Variants in UNC13C observed in about 807,000 individuals in gnomAD.
UNC13C encodes the protein protein unc-13 homolog C.
Under a neutral mutation model 245.4 loss-of-function variants are expected in UNC13C, and 174 were observed. That is an observed-to-expected ratio of 0.71 (90% CI 0.63 to 0.80). The LOEUF (loss-of-function observed/expected upper bound fraction) is 0.80, where lower values mean the gene tolerates loss of function less well. Ranked by LOEUF, UNC13C falls within the 30% of genes least tolerant of loss-of-function variation. The probability of loss-of-function intolerance (pLI) is 0.00; values close to 1 mark genes in which losing one functional copy is unlikely to be tolerated. For synonymous variants in UNC13C, 992 were observed against 895.1 expected, an observed-to-expected ratio of 1.11 and a Z score of -1.93; for missense variants, 2,829 against 2,602.9, an observed-to-expected ratio of 1.09 and a Z score of -1.89.
intron 4 of UNC13C, among the ~76,000 whole-genome samples, chr15:54,173,576 C>A (rs2033497198): frequency 6.6e-6 from 1 of 152,012 alleles, no homozygotes; most frequent in African/African-American, 2.4e-5. Context: ...TTGTATTCTG[C>A]AACTTTGCCA....
At chr15:53,927,527 G>T in the UNC13C span, among the ~76,000 whole-genome samples, 2 of 152,200 alleles carry the variant, frequency 1.3e-5, no homozygotes, top group African/African-American at 2.4e-5. Context: ...GTCAGGGTGG[G>T]TGATAATTCC....
chr15:54,143,742 T>A, intron 4 of UNC13C, 58 bp downstream of exon 4: 1 of 1,342,622 alleles, frequency 7.4e-7, no homozygotes, highest in Admixed American at 1.8e-5. Flanking sequence ...TTGGCTGTGT[T>A]CTCAACATAT....
chr15:54,143,665 G>T lies in UNC13C; in HGVS notation c.3052G>T (p.Ala1018Ser). The T allele has an allele frequency of 6.2e-7, 1 of 1,613,270 alleles. No individual in the cohort carries two copies. The highest frequency in any genetic ancestry group is 8.5e-7 in the Non-Finnish European group (1 of 1,179,394). The change falls in exon 4 of 33, where the codon GCA becomes TCA. Residue 1018 changes from alanine (A) to serine (S), a missense_variant. Coordinates refer to ENST00000260323, the MANE Select transcript of UNC13C (RefSeq NM_001080534.3). ...TGATTTGGATGCTTCCAAATTTTCT[G>T]CACTCCAGGTGTGTGGTGGGTAAGT... ...GNDLDASKFS[A>S]LQVCGGAGGG... is the part of the protein sequence containing the mutation.
intron 2 of UNC13C, among the ~76,000 whole-genome samples, chr15:54,141,587 G>A (rs1197155465): frequency 6.6e-6 from 1 of 151,868 alleles, no homozygotes; most frequent in Non-Finnish European, 1.5e-5. Context: ...TGCTCCCTAT[G>A]AAAATTAAGA....
intron 2 of UNC13C, among the ~76,000 whole-genome samples, chr15:54,075,911 A>G (rs1468510062): frequency 6.6e-6 from 1 of 152,142 alleles, no homozygotes; most frequent in East Asian, 1.9e-4. Context: ...GCTCAACAGG[A>G]CTTTAGAGAT....
chr15:54,412,969 T>G (rs1278052838), intron 18 of UNC13C, among the ~76,000 whole-genome samples: 1 of 152,150 alleles, frequency 6.6e-6, no homozygotes, highest in Non-Finnish European at 1.5e-5. Flanking sequence ...TCAGAGGGAT[T>G]TTAAATCATG....
chr15:54,584,154 T>A (rs1360806783), intron 30 of UNC13C, among the ~76,000 whole-genome samples: 1 of 152,172 alleles, frequency 6.6e-6, no homozygotes, highest in African/African-American at 2.4e-5. Flanking sequence ...GATTGGCTGG[T>A]TTCTGGCCCC....
chr15:54,429,925 C>T (rs543052388), intron 19 of UNC13C, among the ~76,000 whole-genome samples: 1 of 151,650 alleles, frequency 6.6e-6, no homozygotes, highest in Non-Finnish European at 1.5e-5. Context: ...GGTATTTTAT[C>T]TTTTATACTT....
At chr15:54,219,876 C>A (rs2035167598) in intron 4 of UNC13C, among the ~76,000 whole-genome samples, 1 of 151,864 alleles carries the variant, frequency 6.6e-6, no homozygotes, top group Non-Finnish European at 1.5e-5. Flanking sequence ...CAGAGAAATG[C>A]AAATCAAAAC....
At chr15:54,332,166 C>A in intron 15 of UNC13C, 55 bp downstream of exon 15, 1 of 1,259,978 alleles carries the variant, frequency 7.9e-7, no homozygotes, top group Non-Finnish European at 1.1e-6. Flanking sequence ...TAGAGAATTT[C>A]TTGCCATATT....
chr15:54,061,160 G>T (rs1487418464), intron 2 of UNC13C, among the ~76,000 whole-genome samples: 4 of 149,046 alleles, frequency 2.7e-5, no homozygotes, highest in African/African-American at 7.4e-5. Context: ...AAATAAAAAA[G>T]ACAAAAAAAA....
intron 10 of UNC13C, among the ~76,000 whole-genome samples, chr15:54,266,074 G>A (rs2140892830): frequency 6.6e-6 from 1 of 152,004 alleles, no homozygotes; most frequent in African/African-American, 2.4e-5. Flanking sequence ...GTAAAAAAAT[G>A]AATTTCAGTT....
intron 2 of UNC13C, among the ~76,000 whole-genome samples, chr15:54,078,347 G>C (rs1898747945): frequency 6.6e-6 from 1 of 152,156 alleles, no homozygotes; most frequent in African/African-American, 2.4e-5. Context: ...CCTTTAGGTA[G>C]ATACCTAGCA....
chr15:53,913,203 G>A, the UNC13C span: 1 of 152,228 alleles, frequency 6.6e-6, no homozygotes. Flanking sequence ...CCTGGGATTG[G>A]GATGATGCAG....
At chr15:54,226,402 G>T (rs1256738765) in intron 4 of UNC13C, among the ~76,000 whole-genome samples, 1 of 152,170 alleles carries the variant, frequency 6.6e-6, no homozygotes, top group East Asian at 1.9e-4. Flanking sequence ...TGTACCTCTG[G>T]TAGAATTCAG....
the UNC13C span, among the ~76,000 whole-genome samples, chr15:53,942,725 G>A: frequency 1.3e-5 from 2 of 152,080 alleles, no homozygotes; most frequent in East Asian, 1.9e-4. Context: ...GTGCAGTGGC[G>A]AGATCTTGGC....
intron 2 of UNC13C, among the ~76,000 whole-genome samples, chr15:54,077,027 C>T (rs1266522606): frequency 6.6e-6 from 1 of 152,072 alleles, no homozygotes; most frequent in Non-Finnish European, 1.5e-5. Context: ...AGTAGCTTAT[C>T]AAGGTCACAT....
rs1566950146 is a variant in UNC13C, at chr15:54,014,390, C to T, written c.1487C>T (p.Ala496Val). The change falls in exon 2 of 33, where the codon GCT becomes GTT. Residue 496 changes from alanine to valine, a missense_variant. Physicochemically the swap from Ala to Val is moderately conservative, Grantham distance 64. Transcript: ENST00000260323. ...SHSARSKNKT[A>V]NSSRISNKSD... The stretch of plus-strand genomic sequence containing the variant: ...AGTGCTAGATCCAAGAATAAAACTG[C>T]TAATAGCAGCAGAATTTCAAATAAA... 2 of 1,613,842 alleles carry T rather than the reference C, an allele frequency of 1.2e-6. No individual in the cohort carries two copies. Among genetic ancestry groups the T allele is most frequent in the South Asian group, 1.1e-5 (1 of 91,080 alleles).
upstream of UNC13C, among the ~76,000 whole-genome samples, chr15:53,976,561 T>A (rs1481607140): frequency 7.1e-6 from 1 of 140,890 alleles, no homozygotes. Flanking sequence ...AACCTCCGCC[T>A]TCCAGGTTCA....
Sources: allele counts gnomAD v4.1 joint callset (sites outside exome capture counted in the v4.1 genomes callset), GRCh38; gene constraint gnomAD v4.1.1; transcripts MANE v1.5; gene names NCBI Gene and HGNC (gene_info 2026-07-23, HGNC 2026-07-21).